Variants in TMEM72 observed in about 807,000 individuals in gnomAD.
TMEM72 encodes transmembrane protein 72, also known as kidney-specific secretory protein of 37 kDa.
In TMEM72, 9 loss-of-function variants were observed where a neutral mutation model predicts 16.3. The observed-to-expected ratio is 0.55, with a 90% CI of 0.33 to 0.96. TMEM72 has a LOEUF of 0.96. Among genes scored for constraint, TMEM72 ranks in the 40% least tolerant of loss-of-function variants. The pLI is 0.03. For synonymous variants in TMEM72, 160 were observed against 146.5 expected, an observed-to-expected ratio of 1.09 and a Z score of -0.66; for missense variants, 324 against 337.8, an observed-to-expected ratio of 0.96 and a Z score of 0.32.
chr10:44,925,914 C>G (rs1008469717), intron 1 of TMEM72, among the ~76,000 whole-genome samples: 5 of 151,992 alleles, frequency 3.3e-5, no homozygotes, highest in Admixed American at 6.6e-5. Context: ...CACATATTCA[C>G]ACGTGCACAT....
rs7084511 is a variant in TMEM72 at position 44,935,508 on chromosome 10, C to T, written c.*374C>T. The T allele has an allele frequency of 0.089, 17,364 of 194,864 alleles. 918 individuals carry two copies. The highest frequency in any genetic ancestry group is 0.17 in the Middle Eastern group (87 of 524). 12.1% of individuals were successfully genotyped at this position (194,864 alleles called of 1,614,324 possible). On this transcript the variant is annotated 3_prime_UTR_variant, in exon 5 of 5. Transcript: ENST00000389583. Reference sequence around the variant, plus strand: ...AAAAGCCTCTGGGCTTTTCTTACTCCCAACCCAGGGCACAACACTCAGTGA... The same window carrying T: ...AAAAGCCTCTGGGCTTTTCTTACTCTCAACCCAGGGCACAACACTCAGTGA...
intron 2 of TMEM72, 163 bp from the exon 3 acceptor site, chr10:44,931,835 C>T (rs1269477545): frequency 1.3e-5 from 9 of 712,690 alleles, no homozygotes; most frequent in Non-Finnish European, 1.9e-5. Flanking sequence ...GTCCGGAACA[C>T]GCCATGTCCT....
intron 1 of TMEM72, among the ~76,000 whole-genome samples, chr10:44,925,706 G>C (rs1472623229): frequency 1.3e-5 from 2 of 152,228 alleles, no homozygotes; most frequent in Non-Finnish European, 2.9e-5. Context: ...GTGGTTGGTT[G>C]GTTGGTTTGA....
At chr10:44,914,045 C>G (rs1839978052) in intron 1 of TMEM72, among the ~76,000 whole-genome samples, 1 of 152,198 alleles carries the variant, frequency 6.6e-6, no homozygotes, top group Non-Finnish European at 1.5e-5. Flanking sequence ...CCCCTGCAGA[C>G]AGGATCAGGG....
intron 1 of TMEM72, among the ~76,000 whole-genome samples, chr10:44,912,878 T>C (rs1839957692): frequency 6.6e-6 from 1 of 152,096 alleles, no homozygotes. Flanking sequence ...ACCCCACCCC[T>C]CCTGCTACAG....
intron 2 of TMEM72, 113 bp downstream of exon 2, chr10:44,928,100 A>C: frequency 1.7e-6 from 2 of 1,200,446 alleles, no homozygotes; most frequent in Non-Finnish European, 2.4e-6. Context: ...ATTCCATCCT[A>C]TCTCAGGGGT....
chr10:44,917,675 T>C (rs1840032218), intron 1 of TMEM72, among the ~76,000 whole-genome samples: 1 of 152,140 alleles, frequency 6.6e-6, no homozygotes, highest in African/African-American at 2.4e-5. Flanking sequence ...TGGCTGACAC[T>C]GTGAAGAAGG....
intron 1 of TMEM72, among the ~76,000 whole-genome samples, chr10:44,913,553 A>C (rs968175076): frequency 3.3e-5 from 5 of 152,160 alleles, no homozygotes; most frequent in African/African-American, 4.8e-5. Context: ...GTTAATGCTG[A>C]GAATGGGCCT....
chr10:44,928,866 C>T (rs1840245822), intron 2 of TMEM72, among the ~76,000 whole-genome samples: 1 of 152,198 alleles, frequency 6.6e-6, no homozygotes, highest in African/African-American at 2.4e-5. Context: ...ATACACCCAC[C>T]CATCCACGCA....
chr10:44,929,166 G>T lies in TMEM72; in HGVS notation c.137+1179G>T, dbSNP rs141667834. On this transcript the variant is annotated intron_variant, in intron 2 of 4. Transcript: ENST00000389583. ...AAGACCCTTTTTTTCCCCAGACAAT[G>T]TCTTTTCTTCTCCACTACCAGCTAC... 6.5e-3 allele frequency among the ~76,000 whole-genome samples: 987 copies of T among 152,082 alleles called. 16 individuals are homozygous for T. Among genetic ancestry groups the T allele is most frequent in the African/African-American group, 0.022 (929 of 41,384 alleles).
In TMEM72 at chr10:44,932,036, A is replaced by G. The variant is rs1840306254; in HGVS notation, c.176A>G (p.Tyr59Cys). Residue 59 changes from tyrosine (Y) to cysteine (C), a missense_variant, in exon 3 of 5, where the codon TAC becomes TGC. Transcript: ENST00000389583. ...GCTGTCTCCATATGTGAAGGGGCCT[A>G]CTTTGTGGCTCAGCTGCTGGCCATC... is the stretch of plus-strand genomic sequence containing the variant. ...GAAVSICEGA[Y>C]FVAQLLAICF... 2 of 1,613,518 alleles carry G rather than the reference A, an allele frequency of 1.2e-6. No homozygotes were observed. The highest frequency in any genetic ancestry group is 8.5e-7 in the Non-Finnish European group (1 of 1,179,786).
chr10:44,920,902 C>T lies in TMEM72; in HGVS notation c.71-7019C>T, dbSNP rs76754639. The stretch of plus-strand genomic sequence containing the variant: ...ATATTCTTTCTGCTCTGGTGCAGCC[C>T]CCTCCTAGCTTTCGTCAACCCATGC... On this transcript the variant is annotated intron_variant, in intron 1 of 4. Transcript: ENST00000389583. 4.7e-3 allele frequency among the ~76,000 whole-genome samples: 710 copies of T among 152,264 alleles called. 8 individuals carry two copies. Among genetic ancestry groups the T allele is most frequent in the African/African-American group, 0.016 (678 of 41,554 alleles).
At chr10:44,919,557 A>G (rs1287597823) in intron 1 of TMEM72, among the ~76,000 whole-genome samples, 1 of 152,242 alleles carries the variant, frequency 6.6e-6, no homozygotes, top group Non-Finnish European at 1.5e-5. Flanking sequence ...AATCCGAAAT[A>G]TTTAGGGATA....
intron 3 of TMEM72, 151 bp from the exon 4 acceptor site, chr10:44,933,486 A>T: frequency 9.6e-7 from 1 of 1,045,000 alleles, no homozygotes; most frequent in Non-Finnish European, 1.3e-6. Context: ...CTCATTGTGG[A>T]ACCCACACCA....
At chr10:44,912,428 C>T (rs1839951228) in intron 1 of TMEM72, among the ~76,000 whole-genome samples, 1 of 152,186 alleles carries the variant, frequency 6.6e-6, no homozygotes, top group Non-Finnish European at 1.5e-5. Context: ...GCCACATTGT[C>T]CCTTGGGGAC....
intron 1 of TMEM72, among the ~76,000 whole-genome samples, chr10:44,926,250 C>T (rs1439627359): frequency 1.3e-5 from 2 of 152,220 alleles, no homozygotes; most frequent in Non-Finnish European, 2.9e-5. Flanking sequence ...CGTGTCCACA[C>T]ATGCACGCAC....
Position 44,928,133 on chromosome 10 carries a change from A to G in TMEM72, c.137+146A>G, listed in dbSNP as rs191192351. The G allele has an allele frequency of 1.4e-5, 12 of 839,160 alleles. No individual in the cohort carries two copies. In the African/African-American group the frequency reaches 2.0e-4, roughly 14 times the overall value. The allele number at this position is 839,160 out of a possible 1,614,324, so 52.0% of individuals were successfully genotyped here. A position where few individuals can be genotyped will look rare whatever the true frequency, so the allele number is the denominator to read the frequency against. On this transcript the variant is annotated intron_variant, in intron 2 of 4. Coordinates refer to ENST00000389583, the MANE Select transcript of TMEM72 (RefSeq NM_001123376.3). Reference sequence around the variant, plus strand: ...GGTGAAGGGAGTTGAGGGGGGCTCTAGAATAGCTCCTGGTTTGTGCAGACC... The same window carrying G: ...GGTGAAGGGAGTTGAGGGGGGCTCTGGAATAGCTCCTGGTTTGTGCAGACC...
intron 2 of TMEM72, among the ~76,000 whole-genome samples, chr10:44,928,311 C>T (rs562684286): frequency 1.3e-5 from 2 of 151,898 alleles, no homozygotes; most frequent in African/African-American, 4.8e-5. Context: ...CCAATCCACT[C>T]ATCCATCTAT....
intron 1 of TMEM72, among the ~76,000 whole-genome samples, chr10:44,927,286 G>A (rs1840211371): frequency 6.6e-6 from 1 of 152,192 alleles, no homozygotes; most frequent in African/African-American, 2.4e-5. Flanking sequence ...GAGACAGCAA[G>A]TCTGGAAAGG....
Sources: gnomAD v4.1 joint callset for allele counts (sites outside exome capture counted in the v4.1 genomes callset) on GRCh38, gnomAD v4.1.1 for gene constraint, MANE v1.5 for transcripts, NCBI Gene and HGNC (gene_info 2026-07-23, HGNC 2026-07-21) for gene names.